HDHD3: variants seen among roughly 807,000 people sequenced by gnomAD.
HDHD3 encodes haloacid dehalogenase like hydrolase domain containing 3.
In HDHD3, 6 loss-of-function variants were observed where a neutral mutation model predicts 6.9. That is an observed-to-expected ratio of 0.87 (90% CI 0.48 to 1.72). The LOEUF (loss-of-function observed/expected upper bound fraction) is 1.72, where lower values mean the gene tolerates loss of function less well. HDHD3 is among the 40% of genes most tolerant of loss of function. The pLI, the probability that HDHD3 is intolerant of heterozygous loss-of-function variation, is 0.01. For missense variants in HDHD3, 308 were observed against 327.4 expected (o/e 0.94, Z 0.46); for synonymous variants, 139 against 140.7 (o/e 0.99, Z 0.08).
rs755085963 is a variant in HDHD3 at position 113,373,698 on chromosome 9, G to C, written c.657C>G (p.Pro219=). The part of the protein sequence containing the change: ...FLVVGPQALD[P]VVRDSVPKEH... ...CTTTAGGTACAGAATCCCTGACCAC[G>C]GGGTCCAGTGCCTGTGGGCCAACCA... is the stretch of plus-strand genomic sequence containing the variant. The change falls in exon 3 of 3, where the codon CCC becomes CCG. Residue 219 remains proline (P), a synonymous_variant. Coordinates refer to ENST00000374180, the MANE Select transcript of HDHD3 (RefSeq NM_001304509.2). 8.1e-6 allele frequency: 13 copies of C among 1,613,894 alleles called. No homozygotes were observed. The highest frequency in any genetic ancestry group is 1.1e-5 in the Non-Finnish European group (13 of 1,179,978).
At chr9:113,375,741 T>C (rs1313506252) in intron 1 of HDHD3, 174 bp from the exon 2 acceptor site, 1 of 152,250 alleles carries the variant, frequency 6.6e-6, no homozygotes, top group Non-Finnish European at 1.5e-5. Flanking sequence ...ATCCAGAGGC[T>C]GGTGCAGCTT....
At chr9:113,375,689 A>G (rs1045980337) in intron 1 of HDHD3, 122 bp from the exon 2 acceptor site, 4 of 152,278 alleles carry the variant, frequency 2.6e-5, no homozygotes, top group Non-Finnish European at 5.9e-5. Flanking sequence ...AGCTGATGAG[A>G]GAACTGACTC....
Position 113,373,508 on chromosome 9 carries a change from A to G in HDHD3, c.*91T>C, listed in dbSNP as rs1834380201. 2 of 1,369,542 alleles carry G rather than the reference A, an allele frequency of 1.5e-6. No homozygotes were observed. The highest frequency in any genetic ancestry group is 1.5e-5 in the African/African-American group (1 of 68,928). 84.8% of individuals were successfully genotyped at this position (1,369,542 alleles called of 1,614,324 possible). A position where few individuals can be genotyped will look rare whatever the true frequency, so the allele number is the denominator to read the frequency against. ...GCCGCAGGGAGAGGGGGAAAGGTCC[A>G]GAGCTGTGGAGAAAGAAGGGGCTCC... On this transcript the variant is annotated 3_prime_UTR_variant, in exon 3 of 3. Transcript: ENST00000374180.
chr9:113,376,304 A>C, intron 1 of HDHD3: 1 of 126,244 alleles, frequency 7.9e-6, no homozygotes, highest in African/African-American at 3.4e-5. Context: ...TCAGCCTCCC[A>C]AAGTGTTAGG....
Position 113,373,830 on chromosome 9 carries a change from C to G in HDHD3, c.525G>C (p.Glu175Asp). Residue 175 changes from glutamate (E) to aspartate (D), a missense_variant, in exon 3 of 3, where the codon GAG becomes GAC. Coordinates refer to ENST00000374180, the MANE Select transcript of HDHD3 (RefSeq NM_001304509.2). The stretch of plus-strand genomic sequence containing the variant: ...GTTCCATATGAGCAAGCCGCAAGGC[C>G]TCCTGGAAAATGCGGGGGTCCGGCT... ...WPKPDPRIFQEALRLAHMEPV... is the reference protein window; with the variant it reads ...WPKPDPRIFQDALRLAHMEPV... The G allele has an allele frequency of 6.2e-7, 1 of 1,614,134 alleles. No homozygotes were observed. The highest frequency in any genetic ancestry group is 8.5e-7 in the Non-Finnish European group (1 of 1,179,962).
At position 113,373,499 on chromosome 9, in the gene HDHD3, G is replaced by A. The variant is rs565934351; in HGVS notation, c.*100C>T. 1.8e-5 allele frequency: 24 copies of A among 1,303,006 alleles called. No individual in the cohort carries two copies. The South Asian group carries it at 3.5e-4, about 19-fold the overall frequency. 80.7% of individuals were successfully genotyped at this position (1,303,006 alleles called of 1,614,324 possible). A position where few individuals can be genotyped will look rare whatever the true frequency, so the allele number is the denominator to read the frequency against. ...GTGACAAAGGCCGCAGGGAGAGGGG[G>A]AAAGGTCCAGAGCTGTGGAGAAAGA... On this transcript the variant is annotated 3_prime_UTR_variant, in exon 3 of 3. Transcript: ENST00000374180.
At chr9:113,374,851 G>A (rs990490072) in intron 2 of HDHD3, among the ~76,000 whole-genome samples, 1 of 152,148 alleles carries the variant, frequency 6.6e-6, no homozygotes, top group South Asian at 2.1e-4. Flanking sequence ...AATGTCATAA[G>A]CAAGTGAAGT....
In HDHD3 at chr9:113,373,718, C is replaced by CA. The variant is rs752084529; in HGVS notation, c.636dup (p.Gly213TrpfsTer15). On this transcript the variant is annotated frameshift_variant, in exon 3 of 3. Transcript: ENST00000374180. LOFTEE classifies it high-confidence loss of function. ...ACCACGGGGTCCAGTGCCTGTGGGC[C>CA]AACCACCAGGAAGCTGTGCATGCCC... 1 of 1,614,020 alleles carries CA rather than the reference C, an allele frequency of 6.2e-7. No homozygotes were observed. Among genetic ancestry groups the CA allele is most frequent in the Non-Finnish European group, 8.5e-7 (1 of 1,179,964 alleles).
At chr9:113,375,105 A>C (rs1834429634) in intron 2 of HDHD3, among the ~76,000 whole-genome samples, 1 of 151,974 alleles carries the variant, frequency 6.6e-6, no homozygotes, top group African/African-American at 2.4e-5. Flanking sequence ...CTGCTCTCCA[A>C]CCCCTGGACT....
intron 2 of HDHD3, among the ~76,000 whole-genome samples, chr9:113,375,182 C>T (rs1470316931): frequency 6.6e-6 from 1 of 152,166 alleles, no homozygotes; most frequent in Non-Finnish European, 1.5e-5. Flanking sequence ...CACTCCCAGC[C>T]CTGCAAGTCA....
In HDHD3 at chr9:113,374,328, C is replaced by T; in HGVS notation, c.27G>A (p.Leu9=). MAHRLQIR[L]LTWDVKDTLL... ...GCGTGTCCTTCACATCCCACGTCAGCAGTCGTATCTGCAGCCGGTGTGCCA... is the reference window on the plus strand; with the variant it reads ...GCGTGTCCTTCACATCCCACGTCAGTAGTCGTATCTGCAGCCGGTGTGCCA... The change falls in exon 3 of 3, where the codon CTG becomes CTA. Residue 9 remains leucine (L), a synonymous_variant. Transcript: ENST00000374180. 5 of 1,519,354 alleles carry T rather than the reference C, an allele frequency of 3.3e-6. No individual in the cohort carries two copies. The highest frequency in any genetic ancestry group is 4.4e-6 in the Non-Finnish European group (5 of 1,132,136). The allele number at this position is 1,519,354 out of a possible 1,614,324, so 94.1% of individuals were successfully genotyped here.
intron 1 of HDHD3, 63 bp downstream of exon 1, chr9:113,376,666 G>C (rs1345025885): frequency 6.8e-6 from 1 of 147,672 alleles, no homozygotes; most frequent in African/African-American, 2.5e-5. Context: ...GCGCCCGGCA[G>C]GGCTTTTTCG....
In HDHD3 at chr9:113,374,518, C is replaced by T; in HGVS notation, c.-164G>A. 1.9e-6 allele frequency: 1 copy of T among 526,384 alleles called. No homozygotes were observed. Among genetic ancestry groups the T allele is most frequent in the Non-Finnish European group, 3.2e-6 (1 of 315,948 alleles). 32.6% of individuals were successfully genotyped at this position (526,384 alleles called of 1,614,324 possible). On this transcript the variant is annotated 5_prime_UTR_variant, in exon 3 of 3. In the 5' UTR this introduces an upstream ATG that the reference lacks. Transcript: ENST00000374180. ...ATGAAGCACTTGGGAAATGTCTTCA[C>T]AGCACAAGATCCTAGAATGAAAAAT...
Position 113,373,668 on chromosome 9 carries a change from G to A in HDHD3, c.687C>T (p.His229=). The A allele has an allele frequency of 6.2e-7, 1 of 1,613,504 alleles. No homozygotes were observed. The highest frequency in any genetic ancestry group is 8.5e-7 in the Non-Finnish European group (1 of 1,179,744). Reference sequence around the variant, plus strand: ...GGAGATGGGCCAGAGAGGGGAGGATGTGTTCTTTAGGTACAGAATCCCTGA... The same window carrying A: ...GGAGATGGGCCAGAGAGGGGAGGATATGTTCTTTAGGTACAGAATCCCTGA... ...PVVRDSVPKE[H]ILPSLAHLLP... Residue 229 remains histidine (H), a synonymous_variant, in exon 3 of 3, where the codon CAC becomes CAT. Transcript: ENST00000374180.
rs1234450395 is a variant in HDHD3, at chr9:113,374,219, C to A, written c.136G>T (p.Glu46Ter). 1.2e-6 allele frequency: 2 copies of A among 1,607,284 alleles called. No individual in the cohort carries two copies. Among genetic ancestry groups the A allele is most frequent in the Non-Finnish European group, 1.7e-6 (2 of 1,175,612 alleles). The change falls in exon 3 of 3, where the codon GAA becomes TAA. Residue 46 changes from glutamate to a stop codon, truncating the protein, a stop_gained. Transcript: ENST00000374180. LOFTEE classifies it high-confidence loss of function. The stretch of plus-strand genomic sequence containing the variant: ...CTGTATGCCTGCCTGAAGCCTTGTT[C>A]CAGGGCTGAGGGCTCCACCTCCAGC... ...HGLEVEPSALEQGFRQAYRAQ... is the reference protein window; with the variant it reads ...HGLEVEPSAL
chr9:113,375,857 TA>T (rs1397794657), intron 1 of HDHD3: 1 of 152,106 alleles, frequency 6.6e-6, no homozygotes, highest in African/African-American at 2.4e-5. Context: ...GCGTCACTGG[TA>T]AATCTGGGGG....
Position 113,374,402 on chromosome 9 carries a change from T to A in HDHD3, c.-48A>T, listed in dbSNP as rs773957690. ...GTTCTGCCTCAGGTCCCACGGTGGG[T>A]CCCAGGGGAAGCTGAGCTGGATAAG... On this transcript the variant is annotated 5_prime_UTR_variant, in exon 3 of 3. Transcript: ENST00000374180. 1.8e-5 allele frequency: 26 copies of A among 1,481,004 alleles called. 1 individual carries two copies. In the South Asian group the frequency reaches 3.5e-4, roughly 20 times the overall value. The allele number at this position is 1,481,004 out of a possible 1,614,324, so 91.7% of individuals were successfully genotyped here.
intron 1 of HDHD3, chr9:113,375,874 T>C (rs1730080208): frequency 6.6e-6 from 1 of 152,114 alleles, no homozygotes. Flanking sequence ...GGGGGAGCCT[T>C]GGAGGAAGTT....
Position 113,374,280 on chromosome 9 carries a change from T to C in HDHD3, c.75A>G (p.Leu25=), listed in dbSNP as rs1834409166. 6.4e-7 allele frequency: 1 copy of C among 1,570,730 alleles called. No homozygotes were observed. Among genetic ancestry groups the C allele is most frequent in the Admixed American group, 1.9e-5 (1 of 52,306 alleles). ...KDTLLRLRHP[L]GEAYATKARA... Reference sequence around the variant, plus strand: ...GGGCCTTGGTGGCATAGGCCTCCCCTAAGGGGTGGCGGAGCCTGAGCAGCG... The same window carrying C: ...GGGCCTTGGTGGCATAGGCCTCCCCCAAGGGGTGGCGGAGCCTGAGCAGCG... Residue 25 remains leucine (L), a synonymous_variant, in exon 3 of 3, where the codon TTA becomes TTG. Transcript: ENST00000374180.
Sources: gnomAD v4.1 joint callset for allele counts (sites outside exome capture counted in the v4.1 genomes callset) on GRCh38, gnomAD v4.1.1 for gene constraint, MANE v1.5 for transcripts, NCBI Gene and HGNC (gene_info 2026-07-23, HGNC 2026-07-21) for gene names.